The following TAFA4 variants were observed in gnomAD, a reference collection of about 807,000 sequenced individuals.
The protein encoded by TAFA4 is TAFA chemokine like family member 4, also known as chemokine-like protein TAFA-4.
A neutral mutation model predicts 21.1 loss-of-function variants in TAFA4; 20 were observed. The ratio of observed to expected loss-of-function variants is 0.95; its 90% CI spans 0.67 to 1.38. The LOEUF is 1.38. Ranked by LOEUF, TAFA4 falls within the 40% of genes most tolerant of loss-of-function variation. The pLI is 0.00. For synonymous variants in TAFA4, 71 were observed against 67.4 expected, an observed-to-expected ratio of 1.05 and a Z score of -0.26; for missense variants, 211 against 180.9, an observed-to-expected ratio of 1.17 and a Z score of -0.95.
At chr3:68,771,944 T>C (rs1702965620) in intron 3 of TAFA4, among the ~76,000 whole-genome samples, 1 of 152,162 alleles carries the variant, frequency 6.6e-6, no homozygotes, top group African/African-American at 2.4e-5. Context: ...ATCCAAATGC[T>C]TGGTAAGACT....
intron 4 of TAFA4, among the ~76,000 whole-genome samples, chr3:68,744,686 G>C (rs544281166): frequency 6.6e-6 from 1 of 152,176 alleles, no homozygotes; most frequent in Non-Finnish European, 1.5e-5. Flanking sequence ...GGATCCGGAT[G>C]TATATCACAG....
At chr3:68,796,053 A>T (rs1703448639) in intron 3 of TAFA4, among the ~76,000 whole-genome samples, 2 of 152,076 alleles carry the variant, frequency 1.3e-5, no homozygotes, top group South Asian at 4.1e-4. Context: ...TTTCTCCCAA[A>T]TAAACGGAGT....
chr3:68,878,317 A>T (rs2089577607), intron 3 of TAFA4, among the ~76,000 whole-genome samples: 1 of 152,222 alleles, frequency 6.6e-6, no homozygotes, highest in South Asian at 2.1e-4. Context: ...TCTTTAAAGG[A>T]TAAAAATCTG....
rs201735936 is a variant in TAFA4 at position 68,752,931 on chromosome 3, G to A, written c.218C>T (p.Thr73Met). ...TCCCGGGAAGCAAGAGCACTTGACC[G>A]TTTGTGACCGCTCTTCTATGCGGTT... ...NKNRIEERSQ[T>M]VKCSCFPGQV... Residue 73 changes from threonine to methionine, a missense_variant, in exon 4 of 6, where the codon ACG (threonine) becomes ATG (methionine). Physicochemically the swap from Thr to Met is moderately conservative, Grantham distance 81. Transcript: ENST00000295569. 99 of 1,613,920 alleles carry A rather than the reference G, an allele frequency of 6.1e-5. 1 individual carries two copies. Among genetic ancestry groups the A allele is most frequent in the Middle Eastern group, 1.6e-4 (1 of 6,082 alleles).
intron 1 of TAFA4, among the ~76,000 whole-genome samples, chr3:68,913,222 C>T (rs2089975832): frequency 6.6e-6 from 1 of 152,200 alleles, no homozygotes; most frequent in South Asian, 2.1e-4. Context: ...GTACATGCAT[C>T]TTCCATCTAA....
At chr3:68,866,175 G>T (rs1473583232) in intron 3 of TAFA4, among the ~76,000 whole-genome samples, 1 of 152,078 alleles carries the variant, frequency 6.6e-6, no homozygotes, top group African/African-American at 2.4e-5. Context: ...CAAAAAAGAT[G>T]CCAAACTAGA....
At chr3:68,832,811 G>A (rs958469673) in intron 3 of TAFA4, among the ~76,000 whole-genome samples, 1 of 152,252 alleles carries the variant, frequency 6.6e-6, no homozygotes, top group Non-Finnish European at 1.5e-5. Flanking sequence ...TAGAGAGGCA[G>A]TAGGCCTTGC....
intron 1 of TAFA4, among the ~76,000 whole-genome samples, chr3:68,924,649 CTGAAACAAAAATGCTTAGTA>C (rs1478989410): frequency 6.6e-6 from 1 of 152,160 alleles, no homozygotes; most frequent in Non-Finnish European, 1.5e-5. Context: ...TTTACCCAAA[CTGAAACAAAAATGCTTAGTA>C]TAACACCCAG....
At chr3:68,890,527 T>G (rs2089719456) in intron 1 of TAFA4, among the ~76,000 whole-genome samples, 2 of 152,212 alleles carry the variant, frequency 1.3e-5, no homozygotes, top group Admixed American at 1.3e-4. Flanking sequence ...AACACTGACA[T>G]AGCGCCTGCT....
chr3:68,747,260 TCA>T (rs1491529767), intron 4 of TAFA4, among the ~76,000 whole-genome samples: 2,915 of 152,148 alleles, frequency 0.019, 43 homozygotes, highest in Non-Finnish European at 0.033. Flanking sequence ...TCTCTCTCTC[TCA>T]AACACACACA....
At chr3:68,908,994 T>C (rs1273354724) in intron 1 of TAFA4, among the ~76,000 whole-genome samples, 1 of 152,182 alleles carries the variant, frequency 6.6e-6, no homozygotes, top group Non-Finnish European at 1.5e-5. Context: ...ACTACCCACA[T>C]GTAGCTACTG....
At chr3:68,776,382 T>C (rs1420320189) in intron 3 of TAFA4, among the ~76,000 whole-genome samples, 1 of 152,062 alleles carries the variant, frequency 6.6e-6, no homozygotes, top group Non-Finnish European at 1.5e-5. Context: ...TAGTAGTAGA[T>C]AAAACACAGT....
intron 3 of TAFA4, among the ~76,000 whole-genome samples, chr3:68,812,249 G>C (rs1428559842): frequency 6.6e-6 from 1 of 152,138 alleles, no homozygotes; most frequent in Non-Finnish European, 1.5e-5. Context: ...ATTGAGGCAA[G>C]GAAGAAACTG....
chr3:68,790,133 T>C (rs531180156), intron 3 of TAFA4, among the ~76,000 whole-genome samples: 5 of 152,262 alleles, frequency 3.3e-5, no homozygotes, highest in African/African-American at 1.2e-4. Context: ...GTAATATATA[T>C]AATTATCATA....
At chr3:68,862,708 A>T (rs2089361853) in intron 3 of TAFA4, among the ~76,000 whole-genome samples, 1 of 152,096 alleles carries the variant, frequency 6.6e-6, no homozygotes, top group Admixed American at 6.6e-5. Flanking sequence ...AGCAGAGTCA[A>T]GTCATTTAAA....
intron 3 of TAFA4, among the ~76,000 whole-genome samples, chr3:68,874,772 A>G (rs2089526790): frequency 6.9e-6 from 1 of 144,938 alleles, no homozygotes; most frequent in Admixed American, 7.0e-5. Context: ...TCAGTAATAC[A>G]ACCCTTTCTT....
At chr3:68,835,609 G>A (rs972685906) in intron 3 of TAFA4, among the ~76,000 whole-genome samples, 1 of 152,218 alleles carries the variant, frequency 6.6e-6, no homozygotes, top group Admixed American at 6.5e-5. Context: ...AGAGAAAGAT[G>A]TTTTTGTGAA....
intron 3 of TAFA4, among the ~76,000 whole-genome samples, chr3:68,820,281 GAGATA>G (rs1375964979): frequency 6.6e-6 from 1 of 152,192 alleles, no homozygotes. Flanking sequence ...CAGAGGCTGA[GAGATA>G]AGATATTTGT....
intron 1 of TAFA4, among the ~76,000 whole-genome samples, chr3:68,924,076 CA>C (rs1559564953): frequency 6.6e-6 from 1 of 152,242 alleles, no homozygotes; most frequent in Non-Finnish European, 1.5e-5. Context: ...GGTGGTTCCT[CA>C]AAAAATTAAA....
Sources: gnomAD v4.1 joint callset for allele counts (sites outside exome capture counted in the v4.1 genomes callset) on GRCh38, gnomAD v4.1.1 for gene constraint, MANE v1.5 for transcripts, NCBI Gene and HGNC (gene_info 2026-07-23, HGNC 2026-07-21) for gene names.